Variants in RPS6KA2 observed in about 807,000 individuals in gnomAD.
The protein encoded by RPS6KA2 is ribosomal protein S6 kinase A2, also known as ribosomal protein S6 kinase alpha-2.
RPS6KA2 carries 42 observed loss-of-function variants against 91.8 expected under a neutral mutation model. The observed-to-expected ratio is 0.46, with a 90% confidence interval of 0.36 to 0.59. The LOEUF (loss-of-function observed/expected upper bound fraction) is 0.59. Ranked by LOEUF, RPS6KA2 falls within the 20% of genes least tolerant of loss-of-function variation. RPS6KA2 has a pLI of 0.00. For synonymous variants in RPS6KA2, 414 were observed against 393.6 expected (o/e 1.05, Z -0.61); for missense variants, 798 against 978.5 (o/e 0.82, Z 2.46).
chr6:166,505,261 G>T (rs1027903536), intron 5 of RPS6KA2, among the ~76,000 whole-genome samples: 1 of 152,158 alleles, frequency 6.6e-6, no homozygotes, highest in East Asian at 1.9e-4. Context: ...ACGTAGCTGG[G>T]ACAGCTCAGG....
intron 1 of RPS6KA2, among the ~76,000 whole-genome samples, chr6:166,566,649 C>T (rs551182568): frequency 6.6e-6 from 1 of 152,214 alleles, no homozygotes; most frequent in Non-Finnish European, 1.5e-5. Context: ...GTCTCTCACA[C>T]CTCCCCACCC....
At chr6:166,773,255 A>G (rs1479275071) in intron 2 of RPS6KA2, among the ~76,000 whole-genome samples, 1 of 152,114 alleles carries the variant, frequency 6.6e-6, no homozygotes, top group African/African-American at 2.4e-5. Context: ...GAAGGGGGTG[A>G]GGAGAGGGGG....
chr6:166,439,924 T>C (rs544758956), intron 14 of RPS6KA2: 3 of 152,344 alleles, frequency 2.0e-5, no homozygotes, highest in South Asian at 2.1e-4. Context: ...GAGCTATGTA[T>C]TGTAGATAAA....
At chr6:166,742,328 T>A (rs1421482433) in intron 2 of RPS6KA2, among the ~76,000 whole-genome samples, 1 of 152,248 alleles carries the variant, frequency 6.6e-6, no homozygotes, top group Non-Finnish European at 1.5e-5. Context: ...TGTTGAATTC[T>A]CTGATTTCTC....
chr6:166,794,750 C>CAAG (rs147829290), intron 2 of RPS6KA2, among the ~76,000 whole-genome samples: 7,287 of 150,854 alleles, frequency 0.048, 578 homozygotes, highest in African/African-American at 0.17. Flanking sequence ...CAAACTATTG[C>CAAG]AAGAGCAAAA....
chr6:166,750,278 G>C (rs1227007914), intron 2 of RPS6KA2, among the ~76,000 whole-genome samples: 1 of 152,160 alleles, frequency 6.6e-6, no homozygotes, highest in Non-Finnish European at 1.5e-5. Flanking sequence ...TCCCCTGGGG[G>C]GGTGCTCACC....
intron 2 of RPS6KA2, among the ~76,000 whole-genome samples, chr6:166,661,718 CT>C (rs1788169192): frequency 2.0e-5 from 3 of 152,162 alleles, no homozygotes; most frequent in African/African-American, 7.2e-5. Flanking sequence ...CGAATAGCTT[CT>C]TTTTTTGTGA....
intron 3 of RPS6KA2, among the ~76,000 whole-genome samples, chr6:166,523,393 A>G (rs1194509812): frequency 2.6e-5 from 4 of 152,208 alleles, no homozygotes; most frequent in Non-Finnish European, 5.9e-5. Context: ...GAAGAAATGC[A>G]GGGAGTCTGT....
chr6:166,595,700 T>G (rs566304141), intron 1 of RPS6KA2, among the ~76,000 whole-genome samples: 2 of 152,222 alleles, frequency 1.3e-5, no homozygotes, highest in African/African-American at 4.8e-5. Context: ...GAGAATCCAG[T>G]CTAATGTTAA....
intron 2 of RPS6KA2, chr6:166,702,033 T>G: frequency 9.3e-7 from 1 of 1,076,426 alleles, no homozygotes; most frequent in Non-Finnish European, 1.4e-6. Context: ...TGAGTTTCCT[T>G]ACGCATAATC....
At chr6:166,847,441 C>T (rs987174757) in intron 2 of RPS6KA2, among the ~76,000 whole-genome samples, 5 of 152,048 alleles carry the variant, frequency 3.3e-5, no homozygotes, top group African/African-American at 1.2e-4. Context: ...AAAAAGAGCC[C>T]ACATAGCCAA....
chr6:166,669,114 G>A (rs1788401202), intron 2 of RPS6KA2, among the ~76,000 whole-genome samples: 1 of 151,968 alleles, frequency 6.6e-6, no homozygotes, highest in Non-Finnish European at 1.5e-5. Flanking sequence ...GGCTGGTCTT[G>A]AGCTCCTGGC....
rs1779740310 is a variant in RPS6KA2 at position 166,448,186 on chromosome 6, A to G, written c.1332+538T>C. 6.6e-6 allele frequency among the ~76,000 whole-genome samples: 1 copy of G among 152,218 alleles called. No individual in the cohort carries two copies. The highest frequency in any genetic ancestry group is 2.4e-5 in the African/African-American group (1 of 41,444). ...GGAGTAAAACCATTAGCTCTCTGCCAAAGTTTGTTGTAAGTAATACAAGCT... is the reference window on the plus strand; with the variant it reads ...GGAGTAAAACCATTAGCTCTCTGCCGAAGTTTGTTGTAAGTAATACAAGCT... On this transcript the variant is annotated intron_variant, in intron 14 of 20. Transcript: ENST00000265678. This position sits in a 1 kb window ranked among gnomAD's most constrained non-coding sequence, Gnocchi z 4.7.
rs138385331 is a variant in RPS6KA2 at position 166,792,314 on chromosome 6, A to C, written c.123+65886T>G. 1.4e-3 allele frequency among the ~76,000 whole-genome samples: 216 copies of C among 152,360 alleles called. 1 individual carries two copies. The highest frequency in any genetic ancestry group is 2.7e-3 in the Non-Finnish European group (182 of 68,032). On this transcript the variant is annotated intron_variant, in intron 2 of 21. Coordinates refer to the RPS6KA2 transcript ENST00000503859. ...CCAAGACTAAACCAGGAAGAAGTTG[A>C]GTCCCTGAATAGACCAATAACAGGC...
intron 2 of RPS6KA2, among the ~76,000 whole-genome samples, chr6:166,684,192 C>T (rs1028113471): frequency 2.6e-5 from 4 of 152,062 alleles, no homozygotes; most frequent in South Asian, 2.1e-4. Context: ...AACACAGGGA[C>T]GGAGGTCAGG....
chr6:166,773,152 C>T (rs749216815), intron 2 of RPS6KA2, among the ~76,000 whole-genome samples: 33 of 152,152 alleles, frequency 2.2e-4, no homozygotes, highest in Non-Finnish European at 4.0e-4. Flanking sequence ...TACTCCTTTC[C>T]GATCCAGGAC....
At chr6:166,815,244 T>C (rs545756487) in intron 2 of RPS6KA2, among the ~76,000 whole-genome samples, 12 of 152,344 alleles carry the variant, frequency 7.9e-5, no homozygotes, top group African/African-American at 2.6e-4. Flanking sequence ...AGAAAATTTT[T>C]CATCTCTTTC....
At chr6:166,455,894 G>A (rs965617644) in intron 12 of RPS6KA2, among the ~76,000 whole-genome samples, 1 of 152,248 alleles carries the variant, frequency 6.6e-6, no homozygotes, top group African/African-American at 2.4e-5. Flanking sequence ...GCACTTTGAT[G>A]TCTTCCCTTA....
chr6:166,520,683 G>T (rs1782825880), intron 3 of RPS6KA2, among the ~76,000 whole-genome samples: 1 of 152,178 alleles, frequency 6.6e-6, no homozygotes, highest in African/African-American at 2.4e-5. Flanking sequence ...AGCTAGAAAA[G>T]GCCTATCTTG....
Sources: allele counts gnomAD v4.1 joint callset (sites outside exome capture counted in the v4.1 genomes callset), GRCh38; gene constraint gnomAD v4.1.1; non-coding constraint Gnocchi (gnomAD v3.1); transcripts MANE v1.5; gene names NCBI Gene and HGNC (gene_info 2026-07-23, HGNC 2026-07-21).